The following SLC35D4 variants were observed in gnomAD, a reference collection of about 807,000 sequenced individuals.
SLC35D4 encodes solute carrier family 35 member D4, also known as UDP-N-acetylglucosamine transporter SLC35D4.
the SLC35D4 span, among the ~76,000 whole-genome samples, chr18:23,319,152 A>C: frequency 6.6e-6 from 1 of 152,048 alleles, no homozygotes; most frequent in Non-Finnish European, 1.5e-5. Context: ...CCTTCATAGT[A>C]ATTTTGAAGA....
At chr18:23,432,194 C>T in the SLC35D4 span, among the ~76,000 whole-genome samples, 1 of 152,132 alleles carries the variant, frequency 6.6e-6, no homozygotes, top group Non-Finnish European at 1.5e-5. Flanking sequence ...TTCATTATGA[C>T]AATAAATATT....
chr18:23,244,244 G>C, the SLC35D4 span, among the ~76,000 whole-genome samples: 1 of 152,206 alleles, frequency 6.6e-6, no homozygotes, highest in Non-Finnish European at 1.5e-5. Context: ...CAGATAAATA[G>C]TTGACAAATA....
the SLC35D4 span, among the ~76,000 whole-genome samples, chr18:23,337,986 AG>A: frequency 6.6e-6 from 1 of 152,238 alleles, no homozygotes; most frequent in Non-Finnish European, 1.5e-5. Context: ...AGACATGGTC[AG>A]GGATGGCGGT....
At chr18:23,317,001 T>C in the SLC35D4 span, among the ~76,000 whole-genome samples, 3 of 152,106 alleles carry the variant, frequency 2.0e-5, no homozygotes, top group African/African-American at 7.2e-5. Flanking sequence ...GCATACAGTT[T>C]AAACAAAGGA....
At chr18:23,268,803 CGTGTGTGTGTGT>C in the SLC35D4 span, among the ~76,000 whole-genome samples, 1 of 149,388 alleles carries the variant, frequency 6.7e-6, no homozygotes, top group African/African-American at 2.5e-5. Context: ...TGTGTGTGTG[CGTGTGTGTGTGT>C]GTGTGTGTGT....
the SLC35D4 span, among the ~76,000 whole-genome samples, chr18:23,398,081 C>G: frequency 6.6e-6 from 1 of 151,882 alleles, no homozygotes; most frequent in Non-Finnish European, 1.5e-5. Context: ...AAAACAAAAA[C>G]AAAAAAACGA....
the SLC35D4 span, among the ~76,000 whole-genome samples, chr18:23,415,190 T>C: frequency 6.6e-6 from 1 of 152,224 alleles, no homozygotes; most frequent in East Asian, 1.9e-4. Flanking sequence ...CATTTCTTTA[T>C]AAACAGTGCT....
At chr18:23,344,633 G>C in the SLC35D4 span, among the ~76,000 whole-genome samples, 1 of 134,362 alleles carries the variant, frequency 7.4e-6, no homozygotes, top group South Asian at 2.3e-4. Context: ...ACAGAGTCTC[G>C]CTCTGTCGCC....
chr18:23,421,930 G>A, the SLC35D4 span, among the ~76,000 whole-genome samples: 2 of 151,892 alleles, frequency 1.3e-5, no homozygotes, highest in Admixed American at 1.3e-4. Context: ...TCCTGCCTTG[G>A]CCTCCCAAAG....
chr18:23,307,012 G>A, the SLC35D4 span, among the ~76,000 whole-genome samples: 1 of 152,196 alleles, frequency 6.6e-6, no homozygotes, highest in Admixed American at 6.5e-5. Context: ...GCTGCTCAGT[G>A]TGGTTTCATT....
the SLC35D4 span, among the ~76,000 whole-genome samples, chr18:23,340,478 T>C: frequency 4.1e-4 from 63 of 152,232 alleles, no homozygotes; most frequent in Middle Eastern, 3.4e-3. Flanking sequence ...GAGGTGCTTG[T>C]TCACACTCAG....
chr18:23,357,486 G>A, the SLC35D4 span, among the ~76,000 whole-genome samples: 1 of 152,348 alleles, frequency 6.6e-6, no homozygotes. Flanking sequence ...CAGATAGCTT[G>A]TCTTCCAAAT....
the SLC35D4 span, among the ~76,000 whole-genome samples, chr18:23,410,155 T>C: frequency 6.6e-6 from 1 of 152,174 alleles, no homozygotes; most frequent in Non-Finnish European, 1.5e-5. Flanking sequence ...ATATGTAGGA[T>C]AAATTCCCTG....
the SLC35D4 span, among the ~76,000 whole-genome samples, chr18:23,303,626 C>T: frequency 6.6e-5 from 10 of 152,212 alleles, no homozygotes; most frequent in East Asian, 1.9e-4. Flanking sequence ...AGGGGCTGGG[C>T]GCAGTGGCTC....
the SLC35D4 span, among the ~76,000 whole-genome samples, chr18:23,369,354 TGGCC>T: frequency 6.6e-6 from 1 of 152,234 alleles, no homozygotes; most frequent in Non-Finnish European, 1.5e-5. Context: ...GGAGGCCAGC[TGGCC>T]AGTCTAGGGG....
chr18:23,342,809 A>C, the SLC35D4 span, among the ~76,000 whole-genome samples: 1 of 152,204 alleles, frequency 6.6e-6, no homozygotes, highest in Non-Finnish European at 1.5e-5. Flanking sequence ...GCATTTCTCT[A>C]ATGACTAGTG....
chr18:23,290,879 C>T, the SLC35D4 span, among the ~76,000 whole-genome samples: 1 of 151,728 alleles, frequency 6.6e-6, no homozygotes, highest in African/African-American at 2.4e-5. Flanking sequence ...CTCAGGTGAT[C>T]CACCCGCCTC....
At chr18:23,244,871 T>G in the SLC35D4 span, among the ~76,000 whole-genome samples, 1 of 152,164 alleles carries the variant, frequency 6.6e-6, no homozygotes, top group African/African-American at 2.4e-5. Flanking sequence ...TACGGCAAGC[T>G]CACATCTGCT....
chr18:23,338,964 C>A, the SLC35D4 span, among the ~76,000 whole-genome samples: 1 of 152,240 alleles, frequency 6.6e-6, no homozygotes, highest in African/African-American at 2.4e-5. Flanking sequence ...CTCATTGCAG[C>A]CTCAAACTCC....
Sources: allele counts gnomAD v4.1 joint callset (sites outside exome capture counted in the v4.1 genomes callset), GRCh38; gene constraint gnomAD v4.1.1; transcripts MANE v1.5; gene names NCBI Gene and HGNC (gene_info 2026-07-23, HGNC 2026-07-21).